CSMD2: variants seen among roughly 807,000 people sequenced by gnomAD.
CSMD2 encodes CUB and sushi domain-containing protein 2.
In CSMD2, 130 loss-of-function variants were observed where a neutral mutation model predicts 398.5. That is an observed-to-expected ratio of 0.33 (90% CI 0.28 to 0.38). The LOEUF (loss-of-function observed/expected upper bound fraction) is 0.38, where lower values mean the gene tolerates loss of function less well. Ranked by LOEUF, CSMD2 falls within the 10% of genes least tolerant of loss-of-function variation. The pLI, the probability that CSMD2 is intolerant of heterozygous loss-of-function variation, is 1.00. For synonymous variants in CSMD2, 1,828 were observed against 1,908.5 expected, an observed-to-expected ratio of 0.96 and a Z score of 1.10; for missense variants, 3,829 against 4,764.9, an observed-to-expected ratio of 0.80 and a Z score of 5.78.
chr1:33,647,852 G>A (rs1211702062), intron 28 of CSMD2, among the ~76,000 whole-genome samples: 1 of 152,226 alleles, frequency 6.6e-6, no homozygotes, highest in Non-Finnish European at 1.5e-5. Context: ...GATGAAGCCT[G>A]CCAAGGCGGA....
At chr1:33,896,870 C>A (rs758718888) in intron 5 of CSMD2, among the ~76,000 whole-genome samples, 90 of 151,848 alleles carry the variant, frequency 5.9e-4, no homozygotes, top group Middle Eastern at 3.4e-3. Context: ...GGATTCCAAG[C>A]AGAGGGGAAA....
intron 57 of CSMD2, among the ~76,000 whole-genome samples, chr1:33,543,876 A>C (rs1656602128): frequency 6.6e-6 from 1 of 152,204 alleles, no homozygotes; most frequent in Non-Finnish European, 1.5e-5. Context: ...TTTCCTAGCA[A>C]ACTCCAAAGG....
intron 37 of CSMD2, among the ~76,000 whole-genome samples, chr1:33,621,420 C>G (rs1214699876): frequency 6.6e-6 from 1 of 152,216 alleles, no homozygotes; most frequent in Non-Finnish European, 1.5e-5. Flanking sequence ...ACCTCTCTGT[C>G]TATGTGTCTA....
chr1:33,901,581 G>T (rs1008974871), intron 5 of CSMD2, among the ~76,000 whole-genome samples: 1 of 152,200 alleles, frequency 6.6e-6, no homozygotes, highest in Non-Finnish European at 1.5e-5. Flanking sequence ...GCATCTAAAG[G>T]TTTCAGGAGG....
intron 4 of CSMD2, 78 bp downstream of exon 4, chr1:33,935,682 G>C (rs1644456629): frequency 1.4e-6 from 2 of 1,427,350 alleles, no homozygotes; most frequent in Non-Finnish European, 1.9e-6. Flanking sequence ...TGCCCTTTGA[G>C]ACTGGATGTC....
chr1:33,626,709 T>C (rs1312482376), intron 32 of CSMD2, 128 bp from the exon 33 acceptor site: 11 of 607,650 alleles, frequency 1.8e-5, no homozygotes, highest in African/African-American at 3.7e-5. Context: ...TTCCAGGCCT[T>C]CCTGAAATAA....
chr1:34,164,964 G>T lies in CSMD2; in HGVS notation c.134C>A (p.Pro45Gln). 8.2e-7 allele frequency: 1 copy of T among 1,216,154 alleles called. No homozygotes were observed. The highest frequency in any genetic ancestry group is 4.1e-5 in the South Asian group (1 of 24,498). 75.3% of individuals were successfully genotyped at this position (1,216,154 alleles called of 1,614,324 possible). A position where few individuals can be genotyped will look rare whatever the true frequency, so the allele number is the denominator to read the frequency against. The change falls in exon 1 of 71, where the codon CCG (proline) becomes CAG (glutamine). Residue 45 changes from proline (P) to glutamine (Q), a missense_variant. By Grantham distance (76) the Pro-to-Gln change is moderately conservative. This residue lies in a region of CSMD2 where 184 missense variants were observed against 217.7 expected (regional missense o/e 0.85). Transcript: ENST00000373381. This position sits in a 1 kb window ranked among gnomAD's most constrained non-coding sequence, Gnocchi z 6.2. The part of the protein sequence containing the change: ...RWGRPPPPTP[P>Q]PLLLLLGCGL... ...ACAGCCCAGCAACAGCAGCAGAGGC[G>T]GCGGCGTTGGCGGCGGCGGGCGGCC... is the stretch of plus-strand genomic sequence containing the variant.
chr1:33,805,210 A>C (rs918146049), intron 10 of CSMD2, among the ~76,000 whole-genome samples: 1 of 152,222 alleles, frequency 6.6e-6, no homozygotes, highest in African/African-American at 2.4e-5. Context: ...GGTTCAAAAG[A>C]AAATGGAGAT....
At chr1:34,133,168 A>G (rs986264301) in intron 1 of CSMD2, among the ~76,000 whole-genome samples, 5 of 152,306 alleles carry the variant, frequency 3.3e-5, no homozygotes, top group Non-Finnish European at 7.3e-5. Context: ...CCTCTTTTGC[A>G]ATACCACTTG....
At position 33,700,527 on chromosome 1, in the gene CSMD2, C is replaced by G. The variant is rs371189414; in HGVS notation, c.3723G>C (p.Leu1241=). 1 of 1,613,962 alleles carries G rather than the reference C, an allele frequency of 6.2e-7. No homozygotes were observed. Among genetic ancestry groups the G allele is most frequent in the African/African-American group, 1.3e-5 (1 of 74,922 alleles). Residue 1241 remains leucine, a synonymous_variant, in exon 23 of 71, where the codon CTG becomes CTC. Transcript: ENST00000373381. ...GCAAGAAAGACTTACTGGAAAAGTGCAGTTCAAAGCCCTTGCTGGTGTTTT... is the reference window on the plus strand; with the variant it reads ...GCAAGAAAGACTTACTGGAAAAGTGGAGTTCAAAGCCCTTGCTGGTGTTTT... The part of the protein sequence containing the change: ...DAENTSKGFE[L]HFSSFELIKC...
chr1:34,025,005 G>A (rs1649442721), intron 3 of CSMD2, among the ~76,000 whole-genome samples: 1 of 152,108 alleles, frequency 6.6e-6, no homozygotes, highest in Admixed American at 6.5e-5. Flanking sequence ...TTCCATCTCT[G>A]GACCCCAATT....
At position 33,901,498 on chromosome 1, in the gene CSMD2, C is replaced by T. The variant is rs574289241; in HGVS notation, c.920+16596G>A. ...GACTCTGTATTCTAGAAAAGTTTGG[C>T]TTGTGCCAGTGCGTCGTAGGAGCCT... On this transcript the variant is annotated intron_variant, in intron 5 of 70. Coordinates refer to ENST00000373381, the MANE Select transcript of CSMD2 (RefSeq NM_001281956.2). Among the ~76,000 whole-genome samples the T allele has an allele frequency of 2.7e-4, 41 of 152,314 alleles. No individual in the cohort carries two copies. In the South Asian group the frequency reaches 8.3e-3, roughly 31 times the overall value.
chr1:33,975,165 C>T (rs1202246192), intron 3 of CSMD2, among the ~76,000 whole-genome samples: 1 of 152,160 alleles, frequency 6.6e-6, no homozygotes, highest in Non-Finnish European at 1.5e-5. Context: ...CTCCAGGGTA[C>T]ATGCCCAGCA....
intron 28 of CSMD2, 25 bp from the exon 29 acceptor site, chr1:33,646,860 C>A (rs369416168): frequency 1.0e-5 from 16 of 1,589,688 alleles, no homozygotes; most frequent in Admixed American, 1.8e-5. Context: ...CATCCCACCC[C>A]CACCCCACTA....
chr1:33,887,154 A>G (rs1641655353), intron 5 of CSMD2, among the ~76,000 whole-genome samples: 1 of 152,116 alleles, frequency 6.6e-6, no homozygotes, highest in South Asian at 2.1e-4. Flanking sequence ...AAATGATCAA[A>G]TGCTTTTAGA....
chr1:34,004,157 T>C (rs1332589024), intron 3 of CSMD2, among the ~76,000 whole-genome samples: 1 of 152,178 alleles, frequency 6.6e-6, no homozygotes, highest in African/African-American at 2.4e-5. Context: ...TCTCTTTCTC[T>C]AGGATCATGT....
At chr1:33,788,520 A>AAAAAT in intron 12 of CSMD2, 80 bp downstream of exon 12, 1 of 833,182 alleles carries the variant, frequency 1.2e-6, no homozygotes, top group South Asian at 1.6e-5. Flanking sequence ...AAAAAAAAAA[A>AAAAAT]AAAAAAATTC....
At chr1:33,957,660 A>C (rs747110331) in intron 3 of CSMD2, among the ~76,000 whole-genome samples, 1 of 152,164 alleles carries the variant, frequency 6.6e-6, no homozygotes, top group Admixed American at 6.5e-5. Flanking sequence ...TGACATGAGA[A>C]GGTCTAGGAA....
In CSMD2 at chr1:33,606,870, A is replaced by G. The variant is rs950205639; in HGVS notation, c.6344-1400T>C. 2.6e-5 allele frequency among the ~76,000 whole-genome samples: 4 copies of G among 152,202 alleles called. No homozygotes were observed. The East Asian group carries it at 7.7e-4, about 29-fold the overall frequency. On this transcript the variant is annotated intron_variant, in intron 41 of 70. Transcript: ENST00000373381. ...ACCTCAACACTGAGAGAAACCTCAG[A>G]GCCTGTTCCCCTGCAAGAAGCTTCA...
Sources: gnomAD v4.1 joint callset for allele counts (sites outside exome capture counted in the v4.1 genomes callset) on GRCh38, gnomAD v4.1.1 for gene constraint, gnomAD v4.1.1 regional missense constraint, Gnocchi (gnomAD v3.1) non-coding constraint, MANE v1.5 for transcripts, NCBI Gene and HGNC (gene_info 2026-07-23, HGNC 2026-07-21) for gene names.